The following MID1 variants were observed in gnomAD, a reference collection of about 807,000 sequenced individuals.
The protein encoded by MID1 is E3 ubiquitin-protein ligase Midline-1.
A neutral mutation model predicts 40.4 loss-of-function variants in MID1; 7 were observed. That is an observed-to-expected ratio of 0.17 (90% CI 0.10 to 0.33). MID1 has a LOEUF of 0.33. Among genes scored for constraint, MID1 ranks in the 10% least tolerant of loss-of-function variants. MID1 has a pLI of 1.00. For missense variants in MID1, 367 were observed against 558.5 expected (o/e 0.66, Z 3.46); for synonymous variants, 229 against 221.2 (o/e 1.04, Z -0.31).
At chrX:10,575,663 C>T (rs1207382431) in intron 1 of MID1, among the ~76,000 whole-genome samples, 1 of 110,953 alleles carries the variant, frequency 9.0e-6, no homozygotes, top group African/African-American at 3.3e-5. Flanking sequence ...GGTGGGTTAG[C>T]AAAGGCACAG....
At position 10,455,042 on chromosome X, in the gene MID1, G is replaced by A. The variant is rs745554420; in HGVS notation, c.1483C>T (p.Arg495Ter). The A allele has an allele frequency of 1.7e-6, 2 of 1,210,903 alleles. No homozygotes were observed. Among genetic ancestry groups the A allele is most frequent in the Non-Finnish European group, 2.2e-6 (2 of 894,818 alleles). Residue 495 changes from arginine to a stop codon, truncating the protein, a stop_gained, in exon 9 of 10, where the codon CGA becomes TGA. Coordinates refer to ENST00000317552, the MANE Select transcript of MID1 (RefSeq NM_000381.4). LOFTEE classifies it high-confidence loss of function. Reference sequence around the variant, plus strand: ...TTATCATGGGACACCTTCAGTTTTCGATGAGCAGATTTGGGATCCAGTTTA... The same window carrying A: ...TTATCATGGGACACCTTCAGTTTTCAATGAGCAGATTTGGGATCCAGTTTA... ...PFKLDPKSAHRKLKVSHDNLT... is the reference protein window; with the variant it reads ...PFKLDPKSAH
chrX:10,782,840 G>C (rs1003642622), intron 1 of MID1, among the ~76,000 whole-genome samples: 116 of 111,537 alleles, frequency 1.0e-3, no homozygotes, highest in African/African-American at 3.7e-3. Context: ...TTCAAACTGT[G>C]GCCCTGCCCG....
rs139572079 is a variant in MID1 at position 10,690,581 on chromosome X, G to A, written c.-186-70162C>T. On this transcript the variant is annotated intron_variant, in intron 1 of 10. Transcript: ENST00000380785. ...ACCGACTTCAGTCCTACAATATGTGGTTACCAAGCATTCAGTCAGGCTTCC... is the reference window on the plus strand; with the variant it reads ...ACCGACTTCAGTCCTACAATATGTGATTACCAAGCATTCAGTCAGGCTTCC... 2.2e-3 allele frequency among the ~76,000 whole-genome samples: 243 copies of A among 111,636 alleles called. 6 individuals are homozygous for A. In the East Asian group the frequency reaches 0.051, roughly 23 times the overall value.
At chrX:10,726,231 A>G (rs1602540045) in intron 1 of MID1, among the ~76,000 whole-genome samples, 1 of 112,338 alleles carries the variant, frequency 8.9e-6, no homozygotes. Flanking sequence ...AGGATTTGTC[A>G]TTCTTTACAA....
intron 1 of MID1, among the ~76,000 whole-genome samples, chrX:10,662,173 G>T (rs1003935037): frequency 1.8e-5 from 2 of 111,091 alleles, no homozygotes; most frequent in African/African-American, 3.3e-5. Flanking sequence ...GCATGGTGGC[G>T]CATGCCTGTA....
At chrX:10,629,683 C>T (rs1236863266) in intron 1 of MID1, among the ~76,000 whole-genome samples, 2 of 112,217 alleles carry the variant, frequency 1.8e-5, no homozygotes, top group Non-Finnish European at 3.8e-5. Flanking sequence ...TTGTCTAGGA[C>T]TGTGAATGAG....
Position 10,521,472 on chromosome X carries a change from G to A in MID1, c.756+1620C>T, listed in dbSNP as rs1932705103. On this transcript the variant is annotated intron_variant, in intron 3 of 9. Coordinates refer to ENST00000317552, the MANE Select transcript of MID1 (RefSeq NM_000381.4). ...AAGAAGCATTCTGACAAATAGACATGGGTTAGAGGAATGGGCCTACCAGTC... is the reference window on the plus strand; with the variant it reads ...AAGAAGCATTCTGACAAATAGACATAGGTTAGAGGAATGGGCCTACCAGTC... Among the ~76,000 whole-genome samples, 4 of 111,399 alleles carry A rather than the reference G, an allele frequency of 3.6e-5. No individual in the cohort carries two copies. The Admixed American group carries it at 3.8e-4, about 11-fold the overall frequency.
At chrX:10,665,002 G>A (rs940512916) in intron 1 of MID1, among the ~76,000 whole-genome samples, 1 of 111,864 alleles carries the variant, frequency 8.9e-6, no homozygotes, top group Non-Finnish European at 1.9e-5. Context: ...CAATTCAAGC[G>A]GCCATACAAA....
At chrX:10,796,597 C>T (rs929797957) in intron 1 of MID1, among the ~76,000 whole-genome samples, 1 of 109,995 alleles carries the variant, frequency 9.1e-6, no homozygotes, top group South Asian at 3.9e-4. Flanking sequence ...TATTTAATAT[C>T]TTGCCTTTCT....
At chrX:10,648,463 T>C (rs145369907) in intron 1 of MID1, among the ~76,000 whole-genome samples, 3,010 of 111,995 alleles carry the variant, frequency 0.027, 55 homozygotes, top group African/African-American at 0.059. Context: ...CAAACAATAT[T>C]GTGAGAAAGC....
chrX:10,585,774 C>A (rs968393395), intron 1 of MID1, among the ~76,000 whole-genome samples: 1 of 111,036 alleles, frequency 9.0e-6, no homozygotes, highest in East Asian at 2.8e-4. Flanking sequence ...AGACCAGTAT[C>A]CACATTTATT....
chrX:10,455,532 T>C (rs781543411), intron 8 of MID1, among the ~76,000 whole-genome samples: 1 of 111,553 alleles, frequency 9.0e-6, no homozygotes, highest in East Asian at 2.8e-4. Context: ...ACTGGCTGGA[T>C]AGCATCCTGA....
chrX:10,512,808 A>G (rs1932225151), intron 3 of MID1, among the ~76,000 whole-genome samples: 1 of 112,180 alleles, frequency 8.9e-6, no homozygotes, highest in Non-Finnish European at 1.9e-5. Flanking sequence ...ACTTGATGTT[A>G]TATCTAGGGA....
chrX:10,549,723 A>G (rs1327928637), intron 2 of MID1, among the ~76,000 whole-genome samples: 2 of 113,198 alleles, frequency 1.8e-5, no homozygotes, highest in African/African-American at 6.4e-5. Context: ...GGGAAACCCC[A>G]ATGCCTGAGC....
At chrX:10,492,789 T>TCTC (rs1931021045) in intron 4 of MID1, among the ~76,000 whole-genome samples, 1 of 112,399 alleles carries the variant, frequency 8.9e-6, no homozygotes, top group Non-Finnish European at 1.9e-5. Context: ...TTCTGGCCTG[T>TCTC]GGAGATGTTT....
At chrX:10,763,566 T>C (rs2043698114) in intron 1 of MID1, among the ~76,000 whole-genome samples, 1 of 111,828 alleles carries the variant, frequency 8.9e-6, no homozygotes, top group Admixed American at 9.5e-5. Flanking sequence ...AGTCTATCAT[T>C]GATGAACATT....
At chrX:10,784,153 T>C (rs1385431181) in intron 1 of MID1, among the ~76,000 whole-genome samples, 2 of 111,833 alleles carry the variant, frequency 1.8e-5, no homozygotes, top group East Asian at 5.6e-4. Flanking sequence ...AGGTGGTTAA[T>C]AATTAAGTAT....
chrX:10,552,402 C>G (rs750235453), intron 2 of MID1, among the ~76,000 whole-genome samples: 1 of 110,555 alleles, frequency 9.0e-6, no homozygotes, highest in Non-Finnish European at 1.9e-5. Context: ...GACCCTCCTA[C>G]AGATACCAAA....
In MID1 at chrX:10,459,686, C is replaced by T. The variant is rs1928908765; in HGVS notation, c.1407G>A (p.Ala469=). 5.0e-6 allele frequency: 6 copies of T among 1,211,481 alleles called. No individual in the cohort carries two copies. Among genetic ancestry groups the T allele is most frequent in the Middle Eastern group, 2.4e-4 (1 of 4,174 alleles). ...YIFMVKAINQ[A]GSRSSEPGKL... is the part of the protein sequence containing the mutation. Reference sequence around the variant, plus strand: ...TCCCAGGCTCACTGCTGCGGCTGCCCGCCTGGTTGATGGCCTTGACCATGA... The same window carrying T: ...TCCCAGGCTCACTGCTGCGGCTGCCTGCCTGGTTGATGGCCTTGACCATGA... The change falls in exon 8 of 10, where the codon GCG becomes GCA. Residue 469 remains alanine, a synonymous_variant. Transcript: ENST00000317552.
Sources: allele counts gnomAD v4.1 joint callset (sites outside exome capture counted in the v4.1 genomes callset), GRCh38; gene constraint gnomAD v4.1.1; transcripts MANE v1.5; gene names NCBI Gene and HGNC (gene_info 2026-07-23, HGNC 2026-07-21).